PID1: variants seen among roughly 807,000 people sequenced by gnomAD.
PID1 encodes the protein phosphotyrosine interaction domain containing 1.
Under a neutral mutation model 19.1 loss-of-function variants are expected in PID1, and 10 were observed. The ratio of observed to expected loss-of-function variants is 0.52; its 90% CI spans 0.32 to 0.89. The LOEUF (loss-of-function observed/expected upper bound fraction) is 0.89, where lower values mean the gene tolerates loss of function less well. PID1 is among the 40% of genes least tolerant of loss of function. The pLI, the probability that PID1 is intolerant of heterozygous loss-of-function variation, is 0.03. For missense variants in PID1, 248 were observed against 285.3 expected (o/e 0.87, Z 0.94); for synonymous variants, 130 against 116.0 (o/e 1.12, Z -0.78).
intron 1 of PID1, among the ~76,000 whole-genome samples, chr2:229,231,004 C>T (rs1315401670): frequency 6.6e-6 from 1 of 152,070 alleles, no homozygotes; most frequent in Non-Finnish European, 1.5e-5. Flanking sequence ...ACTCCTCTTA[C>T]TTTTTTAATG....
chr2:229,196,417 A>G (rs1280796542), intron 1 of PID1, among the ~76,000 whole-genome samples: 2 of 152,148 alleles, frequency 1.3e-5, no homozygotes, highest in Non-Finnish European at 2.9e-5. Flanking sequence ...TATGGCTTTA[A>G]TGACTAAAAG....
chr2:229,133,170 T>G (rs1379396481), intron 2 of PID1, among the ~76,000 whole-genome samples: 2 of 152,236 alleles, frequency 1.3e-5, no homozygotes, highest in Non-Finnish European at 2.9e-5. Flanking sequence ...AGCTGGATGG[T>G]ATGCAATTGT....
At chr2:229,209,463 A>G (rs983595693) in intron 1 of PID1, among the ~76,000 whole-genome samples, 1 of 152,182 alleles carries the variant, frequency 6.6e-6, no homozygotes, top group Non-Finnish European at 1.5e-5. Context: ...TCCTCATGCT[A>G]TCTTTCCACT....
chr2:229,107,516 A>G (rs1483401833), intron 2 of PID1, among the ~76,000 whole-genome samples: 3 of 152,126 alleles, frequency 2.0e-5, no homozygotes, highest in Non-Finnish European at 2.9e-5. Context: ...AAAAAAAAAA[A>G]AAAAGAAAAA....
intron 2 of PID1, 93 bp downstream of exon 2, chr2:229,155,725 A>T (rs996879020): frequency 1.7e-6 from 2 of 1,159,852 alleles, no homozygotes; most frequent in African/African-American, 3.1e-5. Flanking sequence ...TTCATTCTTA[A>T]AAATGATTAC....
chr2:229,217,986 T>C (rs1027270876), intron 1 of PID1, among the ~76,000 whole-genome samples: 1 of 152,244 alleles, frequency 6.6e-6, no homozygotes, highest in African/African-American at 2.4e-5. Flanking sequence ...TCACTTCTGA[T>C]GGGAATCCTC....
intron 1 of PID1, among the ~76,000 whole-genome samples, chr2:229,205,950 T>C (rs1449488725): frequency 6.6e-6 from 1 of 152,184 alleles, no homozygotes; most frequent in Non-Finnish European, 1.5e-5. Context: ...GAGTGTTGTT[T>C]CGTAGAACCC....
chr2:229,078,141 G>A (rs555958449), intron 2 of PID1, among the ~76,000 whole-genome samples: 5 of 152,208 alleles, frequency 3.3e-5, no homozygotes, highest in South Asian at 4.1e-4. Context: ...GTATTCCTAC[G>A]TATTTTGTTA....
chr2:229,097,400 A>G (rs1260127600), intron 2 of PID1, among the ~76,000 whole-genome samples: 2 of 152,216 alleles, frequency 1.3e-5, no homozygotes, highest in Admixed American at 6.5e-5. Flanking sequence ...TTGGGATATC[A>G]TTGCTAATAT....
At position 229,217,865 on chromosome 2, in the gene PID1, A is replaced by G. The variant is rs139873140; in HGVS notation, c.30+53149T>C. 1.1e-3 allele frequency among the ~76,000 whole-genome samples: 168 copies of G among 152,100 alleles called. 1 individual carries two copies. Among genetic ancestry groups the G allele is most frequent in the African/African-American group, 3.7e-3 (152 of 41,472 alleles). On this transcript the variant is annotated intron_variant, in intron 1 of 2. Coordinates refer to ENST00000392055, the MANE Select transcript of PID1 (RefSeq NM_001100818.2). ...TTCTTGCTTAATCTTCTCCTCACGC[A>G]CCCTCCAACTACCCCAAACCAGTCA...
intron 2 of PID1, among the ~76,000 whole-genome samples, chr2:229,134,575 G>A (rs1281475323): frequency 6.6e-6 from 1 of 151,896 alleles, no homozygotes; most frequent in South Asian, 2.1e-4. Context: ...GTTAAAGCGT[G>A]AACATTGTTG....
chr2:229,153,474 T>C (rs1690300409), intron 2 of PID1, among the ~76,000 whole-genome samples: 1 of 152,198 alleles, frequency 6.6e-6, no homozygotes, highest in Non-Finnish European at 1.5e-5. Flanking sequence ...AATGCAGAAG[T>C]TCTTCCTGGT....
chr2:229,194,920 T>C (rs1355245028), intron 1 of PID1, among the ~76,000 whole-genome samples: 1 of 1,526 alleles, frequency 6.6e-4, no homozygotes, highest in African/African-American at 3.2e-3. Flanking sequence ...GCCAATCTCA[T>C]TGCTATAAAA....
intron 2 of PID1, among the ~76,000 whole-genome samples, chr2:229,090,268 T>C (rs989300376): frequency 2.0e-5 from 3 of 152,192 alleles, no homozygotes; most frequent in Admixed American, 6.5e-5. Context: ...GAAAAAACAG[T>C]TCAAGTAAAG....
At chr2:229,111,965 T>C (rs904680949) in intron 2 of PID1, among the ~76,000 whole-genome samples, 1 of 152,230 alleles carries the variant, frequency 6.6e-6, no homozygotes, top group African/African-American at 2.4e-5. Flanking sequence ...CAAAGATGAA[T>C]ATCCTGTCTG....
intron 1 of PID1, among the ~76,000 whole-genome samples, chr2:229,268,340 A>G (rs1690648221): frequency 6.6e-6 from 1 of 152,150 alleles, no homozygotes; most frequent in African/African-American, 2.4e-5. Flanking sequence ...CAGTTGCTAC[A>G]CTCAAAAGTC....
At chr2:229,264,056 C>T (rs1690529658) in intron 1 of PID1, among the ~76,000 whole-genome samples, 1 of 152,192 alleles carries the variant, frequency 6.6e-6, no homozygotes, top group Non-Finnish European at 1.5e-5. Flanking sequence ...TGAGAGTCTG[C>T]TAGCAGCACT....
chr2:229,134,834 T>G (rs1002437206), intron 2 of PID1, among the ~76,000 whole-genome samples: 3 of 152,216 alleles, frequency 2.0e-5, no homozygotes, highest in Admixed American at 2.0e-4. Context: ...TTAGCTGATC[T>G]CTTATGTCAA....
Position 229,062,908 on chromosome 2 carries a change from G to A in PID1, c.178-36800C>T, listed in dbSNP as rs141742633. 2.9e-3 allele frequency among the ~76,000 whole-genome samples: 435 copies of A among 151,992 alleles called. 1 individual carries two copies. The highest frequency in any genetic ancestry group is 1.0e-2 in the African/African-American group (415 of 41,520). ...CTTCTAGGTTATCCAATTTGTTGGC[G>A]AATAATTTGTTCATAGTAGTACTTT... On this transcript the variant is annotated intron_variant, in intron 2 of 2. Coordinates refer to ENST00000392055, the MANE Select transcript of PID1 (RefSeq NM_001100818.2).
Sources: allele counts gnomAD v4.1 joint callset (sites outside exome capture counted in the v4.1 genomes callset), GRCh38; gene constraint gnomAD v4.1.1; transcripts MANE v1.5; gene names NCBI Gene and HGNC (gene_info 2026-07-23, HGNC 2026-07-21).